Variants in ARHGEF38 observed in about 807,000 individuals in gnomAD.
ARHGEF38 encodes Rho guanine nucleotide exchange factor 38.
In ARHGEF38, 79 loss-of-function variants were observed where a neutral mutation model predicts 79.9. The observed-to-expected ratio is 0.99, with a 90% CI of 0.82 to 1.19. ARHGEF38 has a LOEUF of 1.19. ARHGEF38 is among the 50% of genes most tolerant of loss of function. The pLI, the probability that ARHGEF38 is intolerant of heterozygous loss-of-function variation, is 0.00. For synonymous variants in ARHGEF38, 366 were observed against 328.3 expected (o/e 1.11, Z -1.24); for missense variants, 962 against 907.2 (o/e 1.06, Z -0.78).
chr4:105,636,043 C>T (rs988374006), intron 4 of ARHGEF38, among the ~76,000 whole-genome samples: 3 of 151,896 alleles, frequency 2.0e-5, no homozygotes, highest in African/African-American at 7.2e-5. Context: ...TTAAATTTTT[C>T]CTCAATCACT....
chr4:105,620,826 G>C (rs1049177727), intron 3 of ARHGEF38, among the ~76,000 whole-genome samples: 49 of 101,826 alleles, frequency 4.8e-4, no homozygotes, highest in African/African-American at 2.0e-3. Flanking sequence ...ATTGTTATAT[G>C]AGTCTAGTGT....
chr4:105,678,083 T>C lies in ARHGEF38; in HGVS notation c.*146T>C. On this transcript the variant is annotated 3_prime_UTR_variant, in exon 14 of 14. Coordinates refer to ENST00000420470, the MANE Select transcript of ARHGEF38 (RefSeq NM_001242729.2). The stretch of plus-strand genomic sequence containing the variant: ...TACTGGGTTTTCAGGAATACTGTAC[T>C]TCCTAACAGGATTATTGCATGAATG... 1.8e-6 allele frequency: 1 copy of C among 558,168 alleles called. No individual in the cohort carries two copies. The allele number at this position is 558,168 out of a possible 1,614,324, so 34.6% of individuals were successfully genotyped here.
intron 1 of ARHGEF38, among the ~76,000 whole-genome samples, chr4:105,588,583 C>T (rs1727167857): frequency 6.6e-6 from 1 of 152,180 alleles, no homozygotes; most frequent in Admixed American, 6.5e-5. Flanking sequence ...CTCATTATCT[C>T]CCCAGTACTG....
At chr4:105,667,958 C>T (rs974712455) in intron 13 of ARHGEF38, among the ~76,000 whole-genome samples, 1 of 152,108 alleles carries the variant, frequency 6.6e-6, no homozygotes, top group African/African-American at 2.4e-5. Context: ...TAAATGGGAG[C>T]TATTACTATT....
intron 3 of ARHGEF38, among the ~76,000 whole-genome samples, chr4:105,614,099 A>G (rs1728417654): frequency 6.6e-6 from 1 of 152,182 alleles, no homozygotes; most frequent in Non-Finnish European, 1.5e-5. Context: ...AACAGAAAAT[A>G]TAATTTGAAA....
chr4:105,677,895 A>G lies in ARHGEF38; in HGVS notation c.2292A>G (p.Gly764=). The change falls in exon 14 of 14, where the codon GGA becomes GGG. Residue 764 remains glycine (G), a synonymous_variant. Transcript: ENST00000420470. ...WWLAEAQGQK[G]YVPANYLGKM... is the part of the protein sequence containing the mutation. Reference sequence around the variant, plus strand: ...TAGCTGAAGCTCAAGGGCAGAAAGGATACGTGCCAGCTAACTACCTTGGAA... The same window carrying G: ...TAGCTGAAGCTCAAGGGCAGAAAGGGTACGTGCCAGCTAACTACCTTGGAA... 1 of 1,533,816 alleles carries G rather than the reference A, an allele frequency of 6.5e-7. No individual in the cohort carries two copies. Among genetic ancestry groups the G allele is most frequent in the Non-Finnish European group, 8.7e-7 (1 of 1,145,332 alleles).
At position 105,654,169 on chromosome 4, in the gene ARHGEF38, G is replaced by T; in HGVS notation, c.1113G>T (p.Gln371His). Residue 371 changes from glutamine (Q) to histidine (H), a missense_variant and splice_region_variant, in exon 8 of 14, where the codon CAG (glutamine) becomes CAT (histidine). Physicochemically the swap from Gln to His is conservative, Grantham distance 24 (BLOSUM62 0). Transcript: ENST00000420470. ...TTTCACTCTGTCTTCAACACATACA[G>T]GTAGGTGAGACACAACTGTTTTCAG... ...KNISLCLQHIQDAMPLALQSV... is the reference protein window; with the variant it reads ...KNISLCLQHIHDAMPLALQSV... The T allele has an allele frequency of 1.4e-6, 2 of 1,455,884 alleles. No individual in the cohort carries two copies. The highest frequency in any genetic ancestry group is 3.5e-4 in the Middle Eastern group (2 of 5,710). The allele number at this position is 1,455,884 out of a possible 1,614,324, so 90.2% of individuals were successfully genotyped here.
intron 2 of ARHGEF38, among the ~76,000 whole-genome samples, chr4:105,603,005 C>T (rs17035929): frequency 0.011 from 1,740 of 152,146 alleles, 29 homozygotes; most frequent in African/African-American, 0.04. Flanking sequence ...GCAAAGATCC[C>T]GCCCTGTCTC....
Position 105,638,738 on chromosome 4 carries a change from CATCAT to C in ARHGEF38, c.674+2319_674+2323del, listed in dbSNP as rs1452658111. On this transcript the variant is annotated intron_variant, in intron 5 of 13. Transcript: ENST00000420470. ...TTGTATGTCGACTTGCTACCTCATT[CATCAT>C]CAATATGTTGTGAATATCTTTCCAT... Among the ~76,000 whole-genome samples the C allele has an allele frequency of 4.0e-5, 3 of 75,358 alleles. No homozygotes were observed. In the African/African-American group the frequency reaches 5.1e-4, roughly 13 times the overall value. The allele number at this position is 75,358 out of a possible 152,430, so 49.4% of individuals were successfully genotyped here. A position where few individuals can be genotyped will look rare whatever the true frequency, so the allele number is the denominator to read the frequency against.
At chr4:105,566,578 C>T (rs573492553) in intron 1 of ARHGEF38, among the ~76,000 whole-genome samples, 2 of 152,088 alleles carry the variant, frequency 1.3e-5, no homozygotes, top group South Asian at 4.1e-4. Flanking sequence ...CAGTTATACT[C>T]TCTTAGATAT....
chr4:105,587,162 G>C (rs1028409476), intron 1 of ARHGEF38, among the ~76,000 whole-genome samples: 1 of 152,114 alleles, frequency 6.6e-6, no homozygotes, highest in Non-Finnish European at 1.5e-5. Flanking sequence ...TTACAAATTA[G>C]GCTGGTGCAG....
intron 1 of ARHGEF38, among the ~76,000 whole-genome samples, chr4:105,588,414 G>T (rs373944390): frequency 1.1e-4 from 16 of 152,166 alleles, no homozygotes; most frequent in East Asian, 5.8e-4. Context: ...CTCACACACT[G>T]CCCTGATGTT....
intron 9 of ARHGEF38, 84 bp downstream of exon 9, chr4:105,655,806 C>G (rs1730298245): frequency 7.1e-7 from 1 of 1,409,738 alleles, no homozygotes. Flanking sequence ...TTTCTGGAGT[C>G]AGAAATAAAA....
downstream of ARHGEF38, among the ~76,000 whole-genome samples, chr4:105,682,016 A>G (rs1199225466): frequency 6.6e-6 from 1 of 152,214 alleles, no homozygotes. Context: ...AACCAAGATG[A>G]ATCAAAATTC....
In ARHGEF38 at chr4:105,552,783, C is replaced by A; in HGVS notation, c.18C>A (p.Ala6=). 6.2e-7 allele frequency: 1 copy of A among 1,610,322 alleles called. No individual in the cohort carries two copies. The highest frequency in any genetic ancestry group is 8.5e-7 in the Non-Finnish European group (1 of 1,178,786). MEPKE[A]TGKENMVTKK... The stretch of plus-strand genomic sequence containing the variant: ...TGCCTAATATGGAGCCCAAAGAAGC[C>A]ACTGGGAAAGAAAACATGGTCACCA... The change falls in exon 1 of 14, where the codon GCC becomes GCA. Residue 6 remains alanine (A), a synonymous_variant. Coordinates refer to ENST00000420470, the MANE Select transcript of ARHGEF38 (RefSeq NM_001242729.2).
intron 4 of ARHGEF38, among the ~76,000 whole-genome samples, chr4:105,633,474 T>A (rs1729275466): frequency 6.6e-6 from 1 of 152,192 alleles, no homozygotes; most frequent in Admixed American, 6.5e-5. Flanking sequence ...GCTATTACTG[T>A]CACTCTGCCT....
chr4:105,611,716 T>G (rs1728302548), intron 2 of ARHGEF38, among the ~76,000 whole-genome samples: 1 of 152,070 alleles, frequency 6.6e-6, no homozygotes, highest in Non-Finnish European at 1.5e-5. Context: ...TTAAAGTGAA[T>G]GATCAGTTAA....
chr4:105,657,411 CTT>C (rs888897238), intron 9 of ARHGEF38, among the ~76,000 whole-genome samples: 1 of 152,074 alleles, frequency 6.6e-6, no homozygotes, highest in Non-Finnish European at 1.5e-5. Context: ...ATATAGAACT[CTT>C]TTTAAAAATC....
At chr4:105,661,212 T>C (rs1049131425) in intron 10 of ARHGEF38, among the ~76,000 whole-genome samples, 5 of 152,254 alleles carry the variant, frequency 3.3e-5, no homozygotes, top group African/African-American at 1.2e-4. Flanking sequence ...TACCACACTT[T>C]ACTTATTCAT....
Sources: gnomAD v4.1 joint callset for allele counts (sites outside exome capture counted in the v4.1 genomes callset) on GRCh38, gnomAD v4.1.1 for gene constraint, MANE v1.5 for transcripts, NCBI Gene and HGNC (gene_info 2026-07-23, HGNC 2026-07-21) for gene names.